FKBP15: variants seen among roughly 807,000 people sequenced by gnomAD.
The protein encoded by FKBP15 is FKBP prolyl isomerase family member 15.
A neutral mutation model predicts 158.1 loss-of-function variants in FKBP15; 106 were observed. The observed-to-expected ratio is 0.67, with a 90% CI of 0.57 to 0.79. The LOEUF is 0.79. FKBP15 is among the 30% of genes least tolerant of loss of function. The pLI, the probability that FKBP15 is intolerant of heterozygous loss-of-function variation, is 0.00. For synonymous variants in FKBP15, 547 were observed against 548.6 expected, an observed-to-expected ratio of 1.00 and a Z score of 0.04; for missense variants, 1,287 against 1,479.1, an observed-to-expected ratio of 0.87 and a Z score of 2.13.
Position 113,162,866 on chromosome 9 carries a change from G to A in FKBP15, c.*3212C>T, listed in dbSNP as rs748370981. On this transcript the variant is annotated 3_prime_UTR_variant, in exon 28 of 28. Transcript: ENST00000238256. ...CCTGGATTTTCCTTGGTGTGGTCTT[G>A]GGCTCTGCTGTGGGCTACTACCTAG... 1.9e-6 allele frequency: 3 copies of A among 1,613,276 alleles called. No homozygotes were observed. The South Asian group carries it at 3.3e-5, about 18-fold the overall frequency.
At chr9:113,197,610 A>T (rs1830712544) in intron 8 of FKBP15, among the ~76,000 whole-genome samples, 1 of 152,194 alleles carries the variant, frequency 6.6e-6, no homozygotes, top group African/African-American at 2.4e-5. Flanking sequence ...CAGAGGTTGC[A>T]GAGAACTGAG....
Position 113,162,937 on chromosome 9 carries a change from C to A in FKBP15, c.*3141G>T, listed in dbSNP as rs375839829. The A allele has an allele frequency of 3.4e-5, 53 of 1,580,106 alleles. No individual in the cohort carries two copies. The highest frequency in any genetic ancestry group is 4.0e-5 in the Non-Finnish European group (46 of 1,163,138). ...GCTTAGCTGGTGAGGAACGTGCAGGCACTGAGGCTGGAGGGACATGGAGCC... is the reference window on the plus strand; with the variant it reads ...GCTTAGCTGGTGAGGAACGTGCAGGAACTGAGGCTGGAGGGACATGGAGCC... On this transcript the variant is annotated 3_prime_UTR_variant, in exon 28 of 28. Transcript: ENST00000238256.
chr9:113,174,276 C>T (rs1389976242), intron 22 of FKBP15, among the ~76,000 whole-genome samples, 152 bp downstream of exon 22: 1 of 152,188 alleles, frequency 6.6e-6, no homozygotes, highest in African/African-American at 2.4e-5. Flanking sequence ...CTCTCCTGCA[C>T]ATATCTGGAT....
At chr9:113,206,155 T>C in intron 4 of FKBP15, 1 of 206,462 alleles carries the variant, frequency 4.8e-6, no homozygotes, top group Non-Finnish European at 9.7e-6. Flanking sequence ...ATGGCAAATT[T>C]TATCTTATAT....
At chr9:113,173,237 G>A (rs1830244650) in intron 23 of FKBP15, among the ~76,000 whole-genome samples, 1 of 152,200 alleles carries the variant, frequency 6.6e-6, no homozygotes, top group African/African-American at 2.4e-5. Context: ...TGGGAAACAT[G>A]TTCCGGAACA....
intron 1 of FKBP15, among the ~76,000 whole-genome samples, chr9:113,213,491 C>T (rs1272597901): frequency 2.0e-5 from 3 of 151,354 alleles, no homozygotes; most frequent in African/African-American, 4.9e-5. Context: ...GGAGGCTCAA[C>T]TGAGCCCAGG....
chr9:113,177,215 T>C (rs1830315556), intron 20 of FKBP15, among the ~76,000 whole-genome samples: 1 of 152,228 alleles, frequency 6.6e-6, no homozygotes, highest in South Asian at 2.1e-4. Flanking sequence ...CATTGTTTAG[T>C]ATTAGTCCAG....
rs1159499873 is a variant in FKBP15 at position 113,176,602 on chromosome 9, G to A, written c.2158C>T (p.Leu720Phe). 1.3e-6 allele frequency: 2 copies of A among 1,590,982 alleles called. No homozygotes were observed. Among genetic ancestry groups the A allele is most frequent in the Non-Finnish European group, 1.7e-6 (2 of 1,166,422 alleles). The change falls in exon 21 of 28, where the codon CTC (leucine) becomes TTC (phenylalanine). Residue 720 changes from leucine (L) to phenylalanine (F), a missense_variant. Leu to Phe is a conservative substitution (Grantham distance 22). Coordinates refer to ENST00000238256, the MANE Select transcript of FKBP15 (RefSeq NM_015258.2). ...TCCTCCTCCAGGGATGTCACCTTGA[G>A]TTCCAGTTGTTTCCGGTTCTGCTTT... ...SEKQNRKQLE[L>F]KVTSLEEELT...
At chr9:113,218,379 A>T (rs7035660) in intron 1 of FKBP15, among the ~76,000 whole-genome samples, 31 of 11,504 alleles carry the variant, frequency 2.7e-3, no homozygotes, top group South Asian at 9.1e-3. Flanking sequence ...AAATACAATT[A>T]TATATATATA....
At position 113,191,490 on chromosome 9, in the gene FKBP15, C is replaced by T. The variant is rs149520150; in HGVS notation, c.1066-912G>A. Among the ~76,000 whole-genome samples, 847 of 151,458 alleles carry T rather than the reference C, an allele frequency of 5.6e-3. 9 individuals are homozygous for T. Among genetic ancestry groups the T allele is most frequent in the African/African-American group, 0.02 (826 of 41,284 alleles). ...TACTGGGAGTGTGTGCTTATTTTTTCGTAACTGATGATGTATCCAAAAAAA... is the reference window on the plus strand; with the variant it reads ...TACTGGGAGTGTGTGCTTATTTTTTTGTAACTGATGATGTATCCAAAAAAA... On this transcript the variant is annotated intron_variant, in intron 11 of 27. Coordinates refer to ENST00000238256, the MANE Select transcript of FKBP15 (RefSeq NM_015258.2).
intron 20 of FKBP15, 121 bp from the exon 21 acceptor site, chr9:113,176,794 G>T: frequency 9.1e-7 from 1 of 1,102,854 alleles, no homozygotes; most frequent in Non-Finnish European, 1.3e-6. Flanking sequence ...CATCACTCAG[G>T]CTGGAGTGCA....
In FKBP15 at chr9:113,162,925, G is replaced by C. The variant is rs765651761; in HGVS notation, c.*3153C>G. ...CTTCTCAGCACAGCTTAGCTGGTGA[G>C]GAACGTGCAGGCACTGAGGCTGGAG... On this transcript the variant is annotated 3_prime_UTR_variant, in exon 28 of 28. Coordinates refer to ENST00000238256, the MANE Select transcript of FKBP15 (RefSeq NM_015258.2). 2.5e-6 allele frequency: 4 copies of C among 1,598,510 alleles called. No individual in the cohort carries two copies. The highest frequency in any genetic ancestry group is 1.7e-5 in the Admixed American group (1 of 58,480).
chr9:113,180,616 C>G (rs896135592), intron 19 of FKBP15, among the ~76,000 whole-genome samples: 1 of 151,850 alleles, frequency 6.6e-6, no homozygotes, highest in Non-Finnish European at 1.5e-5. Flanking sequence ...AAAAAGCATG[C>G]AAGGTAGAAG....
At chr9:113,189,803 GAATT>G (rs1369190407) in intron 12 of FKBP15, among the ~76,000 whole-genome samples, 1 of 151,984 alleles carries the variant, frequency 6.6e-6, no homozygotes, top group African/African-American at 2.4e-5. Context: ...CACTAGAGAA[GAATT>G]AAGTTAAAAT....
At chr9:113,216,577 A>C (rs1352775351) in intron 1 of FKBP15, among the ~76,000 whole-genome samples, 3 of 152,246 alleles carry the variant, frequency 2.0e-5, no homozygotes, top group Non-Finnish European at 2.9e-5. Context: ...AATTCGGGCA[A>C]ATTGCCTAAA....
chr9:113,206,189 T>C (rs1348416629), intron 4 of FKBP15: 5 of 352,792 alleles, frequency 1.4e-5, no homozygotes, highest in Middle Eastern at 8.3e-4. Flanking sequence ...TGTATATATA[T>C]GTGTGTATTT....
In FKBP15 at chr9:113,163,416, C is replaced by T. The variant is rs1325689921; in HGVS notation, c.*2662G>A. The T allele has an allele frequency of 6.5e-6, 1 of 152,798 alleles. No individual in the cohort carries two copies. Among genetic ancestry groups the T allele is most frequent in the East Asian group, 1.9e-4 (1 of 5,204 alleles). The allele number at this position is 152,798 out of a possible 1,614,324, so 9.5% of individuals were successfully genotyped here. ...CTAGATCCTTTTTCTCACCTTTCTG[C>T]CTTTGGAACACATGAAGATCATCTC... On this transcript the variant is annotated 3_prime_UTR_variant, in exon 28 of 28. Transcript: ENST00000238256.
rs1195338916 is a variant in FKBP15 at position 113,184,966 on chromosome 9, G to C, written c.1499-162C>G. ...CTGTCAGGAGAAGATATATGGGAGAGAGTAGAGGCAAAAGGGCTTCAAAGT... is the reference window on the plus strand; with the variant it reads ...CTGTCAGGAGAAGATATATGGGAGACAGTAGAGGCAAAAGGGCTTCAAAGT... On this transcript the variant is annotated intron_variant, in intron 15 of 27. Transcript: ENST00000238256. This position sits in a 1 kb window ranked among gnomAD's most constrained non-coding sequence, Gnocchi z 4.5. Among the ~76,000 whole-genome samples the C allele has an allele frequency of 6.6e-6, 1 of 152,232 alleles. No individual in the cohort carries two copies. The highest frequency in any genetic ancestry group is 2.4e-5 in the African/African-American group (1 of 41,470).
At chr9:113,195,380 T>C (rs1450129311) in intron 9 of FKBP15, among the ~76,000 whole-genome samples, 1 of 152,232 alleles carries the variant, frequency 6.6e-6, no homozygotes, top group Non-Finnish European at 1.5e-5. Flanking sequence ...ACAGAAAATT[T>C]TTTGTTTCTC....
Sources: gnomAD v4.1 joint callset for allele counts (sites outside exome capture counted in the v4.1 genomes callset) on GRCh38, gnomAD v4.1.1 for gene constraint, Gnocchi (gnomAD v3.1) non-coding constraint, MANE v1.5 for transcripts, NCBI Gene and HGNC (gene_info 2026-07-23, HGNC 2026-07-21) for gene names.